Variants in COMMD10 observed in about 807,000 individuals in gnomAD.
COMMD10 encodes the protein COMM domain containing 10, also known as COMM domain-containing protein 10.
COMMD10 carries 33 observed loss-of-function variants against 28.9 expected under a neutral mutation model. That is an observed-to-expected ratio of 1.14 (90% CI 0.87 to 1.53). The LOEUF (loss-of-function observed/expected upper bound fraction) is 1.53, where lower values mean the gene tolerates loss of function less well. COMMD10 is among the 40% of genes most tolerant of loss of function. The pLI is 0.00. For synonymous variants in COMMD10, 110 were observed against 81.7 expected, an observed-to-expected ratio of 1.35 and a Z score of -1.87; for missense variants, 310 against 233.4, an observed-to-expected ratio of 1.33 and a Z score of -2.14.
intron 5 of COMMD10, among the ~76,000 whole-genome samples, chr5:116,246,743 A>C (rs1722334999): frequency 6.6e-6 from 1 of 152,174 alleles, no homozygotes; most frequent in Admixed American, 6.5e-5. Flanking sequence ...TGGGGAAAGG[A>C]TTCCTATTAA....
chr5:116,244,660 C>CAAAAAAAAAAAAAAAA (rs60360733), intron 5 of COMMD10, among the ~76,000 whole-genome samples: 4 of 79,484 alleles, frequency 5.0e-5, no homozygotes, highest in Non-Finnish European at 6.0e-5. Flanking sequence ...AAAAAAATTA[C>CAAAAAAAAAAAAAAAA]AAAAAAAAAA....
chr5:116,193,816 TAGC>T (rs1403167333), intron 5 of COMMD10, among the ~76,000 whole-genome samples: 2 of 152,258 alleles, frequency 1.3e-5, no homozygotes, highest in South Asian at 2.1e-4. Context: ...CAAATGGACT[TAGC>T]AGATACATGC....
intron 5 of COMMD10, among the ~76,000 whole-genome samples, chr5:116,188,079 A>G (rs1265036637): frequency 6.6e-6 from 1 of 152,186 alleles, no homozygotes. Context: ...GTTAGTTTCC[A>G]GTAACTATAA....
chr5:116,109,949 A>G lies in COMMD10; in HGVS notation c.399+17249A>G, dbSNP rs190614291. On this transcript the variant is annotated intron_variant, in intron 4 of 6. Transcript: ENST00000274458. ...AAAATGGGCATCCTTGTCTTGTCCA[A>G]CGTTTTTGAGGAAATGTTTTTAACT... is the stretch of plus-strand genomic sequence containing the variant. Among the ~76,000 whole-genome samples the G allele has an allele frequency of 2.6e-5, 4 of 152,312 alleles. No individual in the cohort carries two copies. In the South Asian group the frequency reaches 6.2e-4, roughly 24 times the overall value.
intron 5 of COMMD10, among the ~76,000 whole-genome samples, chr5:116,281,145 CTG>C (rs1449411964): frequency 1.3e-5 from 2 of 151,660 alleles, no homozygotes; most frequent in African/African-American, 4.9e-5. Context: ...TAGTTTATAT[CTG>C]TATTATTTAG....
intron 4 of COMMD10, among the ~76,000 whole-genome samples, chr5:116,098,549 C>T (rs965583484): frequency 2.6e-5 from 4 of 152,112 alleles, no homozygotes; most frequent in African/African-American, 9.7e-5. Context: ...GATGTGTTGT[C>T]ATTGTATTAG....
rs149275243 is a variant in COMMD10 at position 116,276,205 on chromosome 5, A to G, written c.511-15312A>G. 2.0e-3 allele frequency among the ~76,000 whole-genome samples: 307 copies of G among 151,802 alleles called. 6 individuals are homozygous for G. The highest frequency in any genetic ancestry group is 7.1e-3 in the African/African-American group (292 of 41,204). On this transcript the variant is annotated intron_variant, in intron 5 of 6. Coordinates refer to ENST00000274458, the MANE Select transcript of COMMD10 (RefSeq NM_016144.4). ...AGAAAGAAAAATAAAAATTAATTTC[A>G]AATAAAATATATATAAGCATGTGAA...
intron 4 of COMMD10, among the ~76,000 whole-genome samples, chr5:116,098,656 T>C (rs1482343219): frequency 1.3e-5 from 2 of 152,186 alleles, no homozygotes; most frequent in Non-Finnish European, 2.9e-5. Context: ...GACTTGAGTA[T>C]CTGCAGTTTT....
chr5:116,162,809 A>T (rs551863914), intron 5 of COMMD10, among the ~76,000 whole-genome samples: 79 of 152,326 alleles, frequency 5.2e-4, no homozygotes, highest in Middle Eastern at 3.4e-3. Flanking sequence ...GGGTTATCGC[A>T]CAGAACACCT....
In COMMD10 at chr5:116,283,881, A is replaced by G. The variant is rs189789561; in HGVS notation, c.511-7636A>G. On this transcript the variant is annotated intron_variant, in intron 5 of 6. Coordinates refer to ENST00000274458, the MANE Select transcript of COMMD10 (RefSeq NM_016144.4). ...ACAGTGGCTCATGCCTGTAATCCCA[A>G]CACTTTGGGAGGCTAAGGTGGGAGG... is the stretch of plus-strand genomic sequence containing the variant. Among the ~76,000 whole-genome samples the G allele has an allele frequency of 3.2e-3, 485 of 151,880 alleles. 1 individual carries two copies. Among genetic ancestry groups the G allele is most frequent in the South Asian group, 5.0e-3 (24 of 4,820 alleles).
chr5:116,278,223 C>G (rs750544464), intron 5 of COMMD10, among the ~76,000 whole-genome samples: 10 of 151,690 alleles, frequency 6.6e-5, no homozygotes, highest in Non-Finnish European at 1.2e-4. Flanking sequence ...TTTTAGCTGT[C>G]AATGCTCTTT....
At chr5:116,154,591 C>A (rs1443489693) in intron 5 of COMMD10, among the ~76,000 whole-genome samples, 1 of 151,930 alleles carries the variant, frequency 6.6e-6, no homozygotes, top group South Asian at 2.1e-4. Context: ...TATAAAAATT[C>A]TTTCAGATAG....
At chr5:116,291,243 GATA>G (rs1046258719) in intron 5 of COMMD10, among the ~76,000 whole-genome samples, 1 of 152,154 alleles carries the variant, frequency 6.6e-6, no homozygotes, top group Non-Finnish European at 1.5e-5. Flanking sequence ...GAAAAAATTA[GATA>G]ATAAAGTTGT....
At chr5:116,132,210 G>T (rs938582869) in intron 4 of COMMD10, among the ~76,000 whole-genome samples, 2 of 152,020 alleles carry the variant, frequency 1.3e-5, no homozygotes, top group Non-Finnish European at 1.5e-5. Flanking sequence ...CAAATTAGGT[G>T]ACCAAAATGC....
chr5:116,217,903 A>G, intron 5 of COMMD10: 1 of 635,766 alleles, frequency 1.6e-6, no homozygotes, highest in African/African-American at 1.8e-5. Flanking sequence ...CTGTGTGCTA[A>G]CAGCATAGCT....
At chr5:116,115,694 G>A (rs1028095447) in intron 4 of COMMD10, among the ~76,000 whole-genome samples, 3 of 151,964 alleles carry the variant, frequency 2.0e-5, no homozygotes, top group Non-Finnish European at 2.9e-5. Flanking sequence ...ATTCTATTTG[G>A]AGCTCTTTTA....
At chr5:116,167,210 G>C (rs575882063) in intron 5 of COMMD10, among the ~76,000 whole-genome samples, 1 of 151,950 alleles carries the variant, frequency 6.6e-6, no homozygotes, top group East Asian at 2.0e-4. Context: ...GCCTACACAA[G>C]TGTCAATAGC....
intron 5 of COMMD10, among the ~76,000 whole-genome samples, chr5:116,230,582 T>C (rs764351018): frequency 1.3e-5 from 2 of 151,924 alleles, no homozygotes; most frequent in Admixed American, 1.3e-4. Context: ...TTTCTCACAA[T>C]AAATAAACAT....
chr5:116,153,618 ATTAATAAGCAG>A (rs1262623996), intron 5 of COMMD10, among the ~76,000 whole-genome samples: 4 of 44,532 alleles, frequency 9.0e-5, no homozygotes, highest in African/African-American at 1.5e-4. Flanking sequence ...GAGCTTTGCA[ATTAATAAGCAG>A]TGAGTTACTT....
Sources: allele counts gnomAD v4.1 joint callset (sites outside exome capture counted in the v4.1 genomes callset), GRCh38; gene constraint gnomAD v4.1.1; transcripts MANE v1.5; gene names NCBI Gene and HGNC (gene_info 2026-07-23, HGNC 2026-07-21).